The following RFX3 variants were observed in gnomAD, a reference collection of about 807,000 sequenced individuals.
RFX3 encodes the protein regulatory factor X3, also known as transcription factor RFX3.
In RFX3, 14 loss-of-function variants were observed where a neutral mutation model predicts 98.6. The ratio of observed to expected loss-of-function variants is 0.14; its 90% CI spans 0.09 to 0.22. RFX3 has a LOEUF of 0.22. Ranked by LOEUF, RFX3 falls within the 10% of genes least tolerant of loss-of-function variation. The pLI, the probability that RFX3 is intolerant of heterozygous loss-of-function variation, is 1.00. For synonymous variants in RFX3, 383 were observed against 328.4 expected, an observed-to-expected ratio of 1.17 and a Z score of -1.80; for missense variants, 639 against 926.9, an observed-to-expected ratio of 0.69 and a Z score of 4.03.
chr9:3,331,257 C>A (rs1372630173), intron 3 of RFX3, among the ~76,000 whole-genome samples: 1 of 152,210 alleles, frequency 6.6e-6, no homozygotes, highest in East Asian at 1.9e-4. Context: ...CAGTCCTTAT[C>A]TCTTGTGACC....
At chr9:3,421,371 C>T (rs114145661) in intron 1 of RFX3, among the ~76,000 whole-genome samples, 295 of 152,272 alleles carry the variant, frequency 1.9e-3, no homozygotes, top group African/African-American at 6.7e-3. Context: ...GCTGAATATC[C>T]TCCTTTCATC....
chr9:3,468,779 A>C (rs1046742863), intron 1 of RFX3, among the ~76,000 whole-genome samples: 7 of 151,022 alleles, frequency 4.6e-5, no homozygotes, highest in African/African-American at 1.5e-4. Context: ...ACAACTGAAA[A>C]TATTTCTCAG....
At chr9:3,242,176 TTC>T (rs1820021155) in intron 15 of RFX3, among the ~76,000 whole-genome samples, 1 of 152,218 alleles carries the variant, frequency 6.6e-6, no homozygotes, top group Non-Finnish European at 1.5e-5. Context: ...AACTTTCAAT[TTC>T]TCTTTTCCTC....
intron 1 of RFX3, among the ~76,000 whole-genome samples, chr9:3,399,581 A>G: frequency 6.6e-6 from 1 of 152,312 alleles, no homozygotes; most frequent in East Asian, 1.9e-4. Context: ...AATGGCCTCT[A>G]TAGGCATTTG....
chr9:3,248,682 A>G (rs1820998491), intron 14 of RFX3, among the ~76,000 whole-genome samples: 1 of 152,208 alleles, frequency 6.6e-6, no homozygotes, highest in Non-Finnish European at 1.5e-5. Context: ...CAGATGTGGC[A>G]ATACAGAGTA....
intron 6 of RFX3, among the ~76,000 whole-genome samples, chr9:3,289,498 G>C (rs1467390653): frequency 6.6e-6 from 1 of 152,052 alleles, no homozygotes. Context: ...TACCCAATTT[G>C]TGGCGTTCTC....
chr9:3,301,443 A>G, intron 5 of RFX3, 103 bp downstream of exon 5: 1 of 785,298 alleles, frequency 1.3e-6, no homozygotes. Flanking sequence ...GGGAAGGTTA[A>G]GAAGCAAAAT....
chr9:3,505,884 A>C (rs1468998893), intron 1 of RFX3, among the ~76,000 whole-genome samples: 2 of 151,542 alleles, frequency 1.3e-5, no homozygotes, highest in Non-Finnish European at 2.9e-5. Flanking sequence ...CAATTGTTTG[A>C]ATGTGAGTTC....
intron 16 of RFX3, among the ~76,000 whole-genome samples, chr9:3,226,656 G>C (rs935792219): frequency 1.3e-5 from 2 of 152,194 alleles, no homozygotes; most frequent in Non-Finnish European, 2.9e-5. Context: ...GATAATATTT[G>C]AGTGTGTCAG....
intron 15 of RFX3, among the ~76,000 whole-genome samples, chr9:3,235,234 G>C (rs901967270): frequency 6.6e-6 from 1 of 152,224 alleles, no homozygotes; most frequent in African/African-American, 2.4e-5. Flanking sequence ...CGTAAAGAGA[G>C]AGTCTAATAT....
rs1208542295 is a variant in RFX3, at chr9:3,483,211, T to C, written c.-9+42536A>G. 2.0e-5 allele frequency among the ~76,000 whole-genome samples: 3 copies of C among 152,064 alleles called. No homozygotes were observed. In the East Asian group the frequency reaches 5.8e-4, roughly 29 times the overall value. On this transcript the variant is annotated intron_variant, in intron 1 of 16. Coordinates refer to ENST00000617270, the MANE Select transcript of RFX3 (RefSeq NM_001282116.2). ...TACCCGACCCCCAAACAGAAGACTTTGGGAAATGTTTAGGGTCATTTTAGT... is the reference window on the plus strand; with the variant it reads ...TACCCGACCCCCAAACAGAAGACTTCGGGAAATGTTTAGGGTCATTTTAGT...
chr9:3,383,862 T>A (rs1388238575), intron 2 of RFX3, among the ~76,000 whole-genome samples: 1 of 152,084 alleles, frequency 6.6e-6, no homozygotes, highest in East Asian at 1.9e-4. Flanking sequence ...TCAACACACA[T>A]TTTCAAAGAA....
intron 1 of RFX3, chr9:3,420,654 A>T (rs903269272): frequency 3.1e-5 from 10 of 323,680 alleles, no homozygotes; most frequent in Non-Finnish European, 4.4e-5. Context: ...ACCGTATCCC[A>T]CATAGATAAA....
chr9:3,339,249 T>C (rs893077450), intron 3 of RFX3, among the ~76,000 whole-genome samples: 17 of 152,120 alleles, frequency 1.1e-4, no homozygotes, highest in South Asian at 2.1e-4. Context: ...ACCAAAAAGA[T>C]ATACATAGTC....
intron 1 of RFX3, among the ~76,000 whole-genome samples, chr9:3,445,554 G>C (rs1845973993): frequency 6.6e-6 from 1 of 151,906 alleles, no homozygotes; most frequent in East Asian, 1.9e-4. Flanking sequence ...AAAAAATAAG[G>C]GCCATCTGAT....
At chr9:3,243,797 T>C (rs751290745) in intron 15 of RFX3, among the ~76,000 whole-genome samples, 2 of 152,206 alleles carry the variant, frequency 1.3e-5, no homozygotes, top group African/African-American at 2.4e-5. Flanking sequence ...AGTTTGTGAC[T>C]ATTTTGCAGG....
intron 2 of RFX3, among the ~76,000 whole-genome samples, chr9:3,350,783 G>A (rs1835013837): frequency 6.6e-6 from 1 of 152,032 alleles, no homozygotes; most frequent in African/African-American, 2.4e-5. Flanking sequence ...GAACTACCAA[G>A]CCATGAAATG....
At chr9:3,329,145 G>A (rs569064855) in intron 4 of RFX3, among the ~76,000 whole-genome samples, 10 of 152,110 alleles carry the variant, frequency 6.6e-5, no homozygotes, top group South Asian at 6.2e-4. Flanking sequence ...TGGCTCACAT[G>A]CCTGTAATCC....
Position 3,522,230 on chromosome 9 carries a change from T to A in RFX3, c.-9+3517A>T, listed in dbSNP as rs1028743418. On this transcript the variant is annotated intron_variant, in intron 1 of 16. Coordinates refer to ENST00000617270, the MANE Select transcript of RFX3 (RefSeq NM_001282116.2). ...CCCTAACAAGCCAGATTTAGTCAAA[T>A]CCACTTAATCTTGGATTTCCAAAAT... Among the ~76,000 whole-genome samples, 4 of 152,286 alleles carry A rather than the reference T, an allele frequency of 2.6e-5. No individual in the cohort carries two copies. In the East Asian group the frequency reaches 7.7e-4, roughly 29 times the overall value.
Sources: gnomAD v4.1 joint callset for allele counts (sites outside exome capture counted in the v4.1 genomes callset) on GRCh38, gnomAD v4.1.1 for gene constraint, MANE v1.5 for transcripts, NCBI Gene and HGNC (gene_info 2026-07-23, HGNC 2026-07-21) for gene names.